The following SATL1 variants were observed in gnomAD, a reference collection of about 807,000 sequenced individuals.
SATL1 encodes the protein spermidine/spermine N1-acetyl transferase like 1, also known as spermidine/spermine N(1)-acetyltransferase-like protein 1.
SATL1 carries 47 observed loss-of-function variants against 51.8 expected under a neutral mutation model. The ratio of observed to expected loss-of-function variants is 0.91; its 90% CI spans 0.72 to 1.16. SATL1 has a LOEUF of 1.16. SATL1 is among the 50% of genes most tolerant of loss of function. SATL1 has a pLI of 0.00. For missense variants in SATL1, 520 were observed against 526.4 expected (o/e 0.99, Z 0.12); for synonymous variants, 176 against 182.4 (o/e 0.97, Z 0.28).
At chrX:85,121,852 G>A (rs1925516013) in intron 2 of SATL1, among the ~76,000 whole-genome samples, 1 of 109,398 alleles carries the variant, frequency 9.1e-6, no homozygotes, top group Non-Finnish European at 1.9e-5. Context: ...AAATTGCTAA[G>A]AGAGTAGATT....
intron 2 of SATL1, among the ~76,000 whole-genome samples, chrX:85,117,967 T>A (rs1925417004): frequency 9.1e-6 from 1 of 110,249 alleles, no homozygotes; most frequent in South Asian, 3.9e-4. Context: ...GACAAAAGAC[T>A]TTTTTTGTTT....
intron 2 of SATL1, among the ~76,000 whole-genome samples, chrX:85,150,582 C>G (rs1341020558): frequency 8.1e-5 from 9 of 111,292 alleles, no homozygotes; most frequent in African/African-American, 2.9e-4. Context: ...TACTGGCAAA[C>G]TGAATCCAGC....
At chrX:85,210,957 A>G (rs952119524) in intron 2 of SATL1, 6 of 111,518 alleles carry the variant, frequency 5.4e-5, no homozygotes, top group African/African-American at 2.0e-4. Context: ...TTTTCATATA[A>G]TACTTAACCT....
Position 85,173,055 on chromosome X carries a change from C to T in SATL1, c.-313+51150G>A, listed in dbSNP as rs922336275. On this transcript the variant is annotated intron_variant, in intron 2 of 7. Transcript: ENST00000644105. ...ATATGTTTTTATAAACAAATATCCA[C>T]GCCATGAGAAAAAGCCACTAGATGA... 2.4e-4 allele frequency among the ~76,000 whole-genome samples: 27 copies of T among 111,264 alleles called. 1 individual carries two copies. The highest frequency in any genetic ancestry group is 5.5e-4 in the African/African-American group (17 of 30,748).
intron 2 of SATL1, among the ~76,000 whole-genome samples, chrX:85,152,127 A>C (rs1926460191): frequency 8.9e-6 from 1 of 111,795 alleles, no homozygotes; most frequent in Non-Finnish European, 1.9e-5. Context: ...CAAGAAAAAA[A>C]CAAACAATCC....
intron 2 of SATL1, among the ~76,000 whole-genome samples, chrX:85,139,261 GCACTGTGGTAAATACACA>G (rs1421668834): frequency 9.0e-6 from 1 of 111,380 alleles, no homozygotes; most frequent in Non-Finnish European, 1.9e-5. Context: ...TATGTGCCAA[GCACTGTGGTAAATACACA>G]CATGTATATA....
At chrX:85,172,329 C>A (rs773171787) in intron 2 of SATL1, among the ~76,000 whole-genome samples, 1 of 111,241 alleles carries the variant, frequency 9.0e-6, no homozygotes, top group East Asian at 2.8e-4. Context: ...CTATTTGATA[C>A]TGGAGATGTA....
intron 2 of SATL1, among the ~76,000 whole-genome samples, chrX:85,223,079 T>C (rs986220815): frequency 6.3e-5 from 7 of 111,908 alleles, no homozygotes; most frequent in African/African-American, 2.3e-4. Flanking sequence ...TTTTAACAGT[T>C]TCAGAGGAAT....
At chrX:85,185,931 G>C (rs1179959276) in intron 2 of SATL1, among the ~76,000 whole-genome samples, 2 of 110,566 alleles carry the variant, frequency 1.8e-5, no homozygotes, top group African/African-American at 3.3e-5. Context: ...GGCATGTGCT[G>C]GGTCACACCT....
chrX:85,098,136 A>G (rs1414188226), intron 4 of SATL1, among the ~76,000 whole-genome samples: 1 of 112,118 alleles, frequency 8.9e-6, no homozygotes, highest in Non-Finnish European at 1.9e-5. Context: ...AATGATGGAA[A>G]AAGGTATTTC....
intron 2 of SATL1, among the ~76,000 whole-genome samples, chrX:85,138,084 G>C (rs60886404): frequency 0.14 from 15,851 of 111,285 alleles, 1,205 homozygotes; most frequent in African/African-American, 0.28. Context: ...AAAATCTTTA[G>C]CATATTAATC....
intron 2 of SATL1, among the ~76,000 whole-genome samples, chrX:85,156,860 TATATATATAA>T (rs1260630298): frequency 1.4e-5 from 1 of 69,286 alleles, no homozygotes; most frequent in African/African-American, 6.0e-5. Context: ...TATATATATA[TATATATATAA>T]AATATGTAAA....
intron 2 of SATL1, among the ~76,000 whole-genome samples, chrX:85,153,493 A>G (rs1268605431): frequency 2.7e-5 from 3 of 111,786 alleles, no homozygotes; most frequent in Non-Finnish European, 5.6e-5. Context: ...CCACATCTTC[A>G]TTGCCTAATG....
At chrX:85,162,123 A>G (rs1432408059) in intron 2 of SATL1, among the ~76,000 whole-genome samples, 1 of 112,169 alleles carries the variant, frequency 8.9e-6, no homozygotes, top group Non-Finnish European at 1.9e-5. Flanking sequence ...TAATGAGAAC[A>G]AAGACACAAC....
intron 2 of SATL1, among the ~76,000 whole-genome samples, chrX:85,185,800 G>T (rs1320196818): frequency 9.0e-6 from 1 of 110,678 alleles, no homozygotes; most frequent in African/African-American, 3.3e-5. Flanking sequence ...GATGCCAGGA[G>T]CCCACTTGGT....
At chrX:85,114,963 T>A (rs1925348977) in intron 2 of SATL1, among the ~76,000 whole-genome samples, 1 of 111,910 alleles carries the variant, frequency 8.9e-6, no homozygotes, top group African/African-American at 3.2e-5. Flanking sequence ...GCCTATTTTT[T>A]AAATAACTGC....
intron 2 of SATL1, among the ~76,000 whole-genome samples, chrX:85,112,353 A>G (rs1046829287): frequency 2.2e-4 from 25 of 111,157 alleles, no homozygotes; most frequent in African/African-American, 8.2e-4. Context: ...CTCTGTCTCA[A>G]AAAAACAGCT....
At chrX:85,105,194 T>C (rs1056552065) in intron 3 of SATL1, among the ~76,000 whole-genome samples, 3 of 111,388 alleles carry the variant, frequency 2.7e-5, no homozygotes, top group Admixed American at 9.6e-5. Context: ...CCAGATTACA[T>C]AGAGCATTAG....
intron 4 of SATL1, 115 bp downstream of exon 4, chrX:85,103,749 C>A: frequency 2.1e-6 from 1 of 471,050 alleles, no homozygotes; most frequent in East Asian, 4.4e-5. Flanking sequence ...AATTTATGTC[C>A]TGCACATGTT....
Sources: allele counts gnomAD v4.1 joint callset (sites outside exome capture counted in the v4.1 genomes callset), GRCh38; gene constraint gnomAD v4.1.1; transcripts MANE v1.5; gene names NCBI Gene and HGNC (gene_info 2026-07-23, HGNC 2026-07-21).